RHOT1: variants seen among roughly 807,000 people sequenced by gnomAD.
RHOT1 encodes ras homolog family member T1.
RHOT1 carries 27 observed loss-of-function variants against 95.3 expected under a neutral mutation model. The ratio of observed to expected loss-of-function variants is 0.28; its 90% CI spans 0.21 to 0.39. RHOT1 has a LOEUF of 0.39. RHOT1 is among the 10% of genes least tolerant of loss of function. RHOT1 has a pLI of 1.00. For missense variants in RHOT1, 578 were observed against 786.7 expected (o/e 0.73, Z 3.17); for synonymous variants, 227 against 263.5 (o/e 0.86, Z 1.34).
intron 19 of RHOT1, among the ~76,000 whole-genome samples, chr17:32,213,798 T>G (rs1157611568): frequency 1.3e-5 from 2 of 152,244 alleles, no homozygotes; most frequent in East Asian, 1.9e-4. Flanking sequence ...ATTCCTAGAT[T>G]GGTTTAGTTA....
At position 32,223,697 on chromosome 17, in the gene RHOT1, AGCCACTGCACCCG is replaced by A. The variant is rs1050226390; in HGVS notation, c.1863-914_1863-902del. 5.8e-4 allele frequency among the ~76,000 whole-genome samples: 89 copies of A among 152,278 alleles called. 2 individuals are homozygous for A. Among genetic ancestry groups the A allele is most frequent in the Admixed American group, 3.9e-4 (6 of 15,292 alleles). Reference sequence around the variant, plus strand: ...CCGAAGTGCTGGGATTACAGGCATGAGCCACTGCACCCGGCCAATTTTTTAAGTTTTCTACATC... The same window carrying A: ...CCGAAGTGCTGGGATTACAGGCATGAGCCAATTTTTTAAGTTTTCTACATC... On this transcript the variant is annotated intron_variant, in intron 19 of 19. Coordinates refer to ENST00000545287, the MANE Select transcript of RHOT1 (RefSeq NM_001033566.3).
At chr17:32,154,562 G>C (rs1359397325) in intron 1 of RHOT1, among the ~76,000 whole-genome samples, 1 of 147,830 alleles carries the variant, frequency 6.8e-6, no homozygotes, top group Non-Finnish European at 1.5e-5. Flanking sequence ...ACTCCAGCCT[G>C]GGCGACAGAG....
At chr17:32,219,179 T>C (rs1331491335) in intron 19 of RHOT1, among the ~76,000 whole-genome samples, 1 of 152,194 alleles carries the variant, frequency 6.6e-6, no homozygotes, top group African/African-American at 2.4e-5. Context: ...AAAATGACTC[T>C]CTGGAGCTCC....
chr17:32,209,239 C>T (rs887234268), intron 18 of RHOT1: 6 of 512,178 alleles, frequency 1.2e-5, no homozygotes, highest in African/African-American at 7.9e-5. Flanking sequence ...GCAACAAACC[C>T]TTGAATTTCT....
chr17:32,175,237 A>C (rs1432857676), intron 3 of RHOT1, 82 bp from the exon 4 acceptor site: 2 of 1,110,132 alleles, frequency 1.8e-6, no homozygotes, highest in Non-Finnish European at 2.8e-6. Context: ...ATGTTAGATG[A>C]GTGTTGCATA....
chr17:32,192,399 G>C lies in RHOT1; in HGVS notation c.639+100G>C, dbSNP rs901192570. Reference sequence around the variant, plus strand: ...TTAGCTTAAACAACAAGAACAGTATGTTATAAACATAAGTTTCTTTCTCAT... The same window carrying C: ...TTAGCTTAAACAACAAGAACAGTATCTTATAAACATAAGTTTCTTTCTCAT... On this transcript the variant is annotated intron_variant, in intron 9 of 19. Coordinates refer to ENST00000545287, the MANE Select transcript of RHOT1 (RefSeq NM_001033566.3). 24 of 678,582 alleles carry C rather than the reference G, an allele frequency of 3.5e-5. No homozygotes were observed. In the African/African-American group the frequency reaches 4.6e-4, roughly 13 times the overall value. The allele number at this position is 678,582 out of a possible 1,614,324, so 42.0% of individuals were successfully genotyped here. A position where few individuals can be genotyped will look rare whatever the true frequency, so the allele number is the denominator to read the frequency against.
intron 6 of RHOT1, chr17:32,179,952 T>A (rs1386511371): frequency 7.4e-6 from 1 of 135,354 alleles, no homozygotes; most frequent in Admixed American, 7.2e-5. Context: ...ATCTGGGATG[T>A]GAGGAGCACC....
chr17:32,195,351 T>A (rs1176883152), intron 11 of RHOT1, among the ~76,000 whole-genome samples: 5 of 152,156 alleles, frequency 3.3e-5, no homozygotes. Flanking sequence ...TGGCCTCAAA[T>A]GATCTTCTTG....
chr17:32,205,576 A>T (rs529742051), intron 16 of RHOT1, among the ~76,000 whole-genome samples: 1 of 152,330 alleles, frequency 6.6e-6, no homozygotes, highest in Non-Finnish European at 1.5e-5. Context: ...GCAAGGAGCA[A>T]TAAAATCAAA....
At position 32,211,298 on chromosome 17, in the gene RHOT1, G is replaced by A; in HGVS notation, c.1862+60G>A. The A allele has an allele frequency of 2.0e-6, 3 of 1,488,756 alleles. No individual in the cohort carries two copies. In the South Asian group the frequency reaches 3.9e-5, roughly 20 times the overall value. The allele number at this position is 1,488,756 out of a possible 1,614,324, so 92.2% of individuals were successfully genotyped here. On this transcript the variant is annotated intron_variant, in intron 19 of 19. Coordinates refer to ENST00000545287, the MANE Select transcript of RHOT1 (RefSeq NM_001033566.3). Reference sequence around the variant, plus strand: ...TGTTAAAATACAAAAGAAAAAAGCGGATAACTATTTATTATACAGATACTC... The same window carrying A: ...TGTTAAAATACAAAAGAAAAAAGCGAATAACTATTTATTATACAGATACTC...
chr17:32,148,764 AG>A (rs1422049270), intron 1 of RHOT1, among the ~76,000 whole-genome samples: 2 of 152,364 alleles, frequency 1.3e-5, no homozygotes, highest in East Asian at 3.9e-4. Flanking sequence ...CACTTGAAGC[AG>A]GGGGTGTTTG....
chr17:32,165,960 G>A (rs746257597), intron 1 of RHOT1, among the ~76,000 whole-genome samples: 3 of 152,006 alleles, frequency 2.0e-5, no homozygotes, highest in East Asian at 1.9e-4. Flanking sequence ...CAAGATGGGC[G>A]GATCTCCTGA....
intron 1 of RHOT1, among the ~76,000 whole-genome samples, chr17:32,148,990 A>T (rs748308454): frequency 2.0e-5 from 3 of 152,208 alleles, no homozygotes; most frequent in Non-Finnish European, 2.9e-5. Context: ...AGAAGCATGG[A>T]GTCTCAGAAC....
Position 32,176,206 on chromosome 17 carries a change from G to A in RHOT1, c.322G>A (p.Asp108Asn), listed in dbSNP as rs2034988087. Reference protein sequence around the residue: ...IPLINERTDKDSRLPLILVGN... With the variant: ...IPLINERTDKNSRLPLILVGN... ...TCTCATAAATGAAAGAACAGACAAAGACAGCAGGTATTTTTTCCTCTCTCA... is the reference window on the plus strand; with the variant it reads ...TCTCATAAATGAAAGAACAGACAAAAACAGCAGGTATTTTTTCCTCTCTCA... The change falls in exon 6 of 20, where the codon GAC becomes AAC. Residue 108 changes from aspartate (D) to asparagine (N), a missense_variant. Transcript: ENST00000545287. 1.9e-6 allele frequency: 3 copies of A among 1,608,082 alleles called. No individual in the cohort carries two copies. Among genetic ancestry groups the A allele is most frequent in the Non-Finnish European group, 2.5e-6 (3 of 1,178,198 alleles).
At chr17:32,187,434 A>C (rs2036143890) in intron 8 of RHOT1, among the ~76,000 whole-genome samples, 1 of 151,260 alleles carries the variant, frequency 6.6e-6, no homozygotes, top group Non-Finnish European at 1.5e-5. Context: ...GATTGCTTTG[A>C]TTCTGTTTGT....
intron 19 of RHOT1, among the ~76,000 whole-genome samples, chr17:32,223,698 G>T (rs1404390619): frequency 6.6e-6 from 1 of 151,984 alleles, no homozygotes; most frequent in East Asian, 1.9e-4. Context: ...ACAGGCATGA[G>T]CCACTGCACC....
intron 6 of RHOT1, among the ~76,000 whole-genome samples, chr17:32,177,493 C>T (rs536212981): frequency 5.3e-5 from 8 of 152,190 alleles, no homozygotes; most frequent in South Asian, 2.1e-4. Flanking sequence ...CGGTGGCTCA[C>T]GCCTGTAATC....
At chr17:32,215,689 G>C (rs2038428424) in intron 19 of RHOT1, among the ~76,000 whole-genome samples, 1 of 151,962 alleles carries the variant, frequency 6.6e-6, no homozygotes, top group South Asian at 2.1e-4. Flanking sequence ...CTTTTTTCCT[G>C]AACTTATTTA....
rs145634712 is a variant in RHOT1 at position 32,184,467 on chromosome 17, G to T, written c.540+1195G>T. On this transcript the variant is annotated intron_variant, in intron 8 of 19. Transcript: ENST00000545287. ...ATTTTATGGATAAACCATGTTTTTG[G>T]TGGGTTTTATTTTTTTTATTTTTTA... is the stretch of plus-strand genomic sequence containing the variant. 4.6e-5 allele frequency among the ~76,000 whole-genome samples: 7 copies of T among 151,622 alleles called. No individual in the cohort carries two copies. In the East Asian group the frequency reaches 9.7e-4, roughly 21 times the overall value.
Sources: allele counts gnomAD v4.1 joint callset (sites outside exome capture counted in the v4.1 genomes callset), GRCh38; gene constraint gnomAD v4.1.1; transcripts MANE v1.5; gene names NCBI Gene and HGNC (gene_info 2026-07-23, HGNC 2026-07-21).